IDE: variants seen among roughly 807,000 people sequenced by gnomAD.
IDE encodes the protein insulin-degrading enzyme.
IDE carries 58 observed loss-of-function variants against 133.2 expected under a neutral mutation model. That is an observed-to-expected ratio of 0.44 (90% CI 0.35 to 0.54). The LOEUF is 0.54. IDE is among the 20% of genes least tolerant of loss of function. The pLI, the probability that IDE is intolerant of heterozygous loss-of-function variation, is 0.00. For synonymous variants in IDE, 396 were observed against 421.3 expected, an observed-to-expected ratio of 0.94 and a Z score of 0.73; for missense variants, 981 against 1,234.0, an observed-to-expected ratio of 0.79 and a Z score of 3.07.
chr10:92,469,535 C>T (rs1321328969), intron 18 of IDE, among the ~76,000 whole-genome samples: 1 of 151,940 alleles, frequency 6.6e-6, no homozygotes, highest in Non-Finnish European at 1.5e-5. Context: ...CTCAAGAGAT[C>T]CTCTTGCCTC....
chr10:92,566,664 A>G (rs114338728), intron 1 of IDE, among the ~76,000 whole-genome samples: 7,422 of 145,746 alleles, frequency 0.051, 614 homozygotes, highest in African/African-American at 0.17. Flanking sequence ...GGTACCAAAG[A>G]AAAAAAAAAA....
intron 1 of IDE, among the ~76,000 whole-genome samples, chr10:92,561,160 G>A (rs1028673785): frequency 3.3e-5 from 5 of 152,010 alleles, no homozygotes; most frequent in Non-Finnish European, 5.9e-5. Context: ...GGAGGCTGAG[G>A]CAGGAGAATC....
chr10:92,487,398 G>T, intron 12 of IDE, 80 bp from the exon 13 acceptor site: 1 of 1,183,684 alleles, frequency 8.4e-7, no homozygotes, highest in Non-Finnish European at 1.2e-6. Context: ...CAATATATGG[G>T]CAAATATTAA....
At chr10:92,462,144 C>A (rs2135330844) in intron 21 of IDE, among the ~76,000 whole-genome samples, 1 of 151,966 alleles carries the variant, frequency 6.6e-6, no homozygotes, top group South Asian at 2.1e-4. Context: ...GGTGAAACCC[C>A]ATCTCTACTA....
At chr10:92,524,037 A>G (rs1849374499) in intron 4 of IDE, among the ~76,000 whole-genome samples, 1 of 151,944 alleles carries the variant, frequency 6.6e-6, no homozygotes, top group South Asian at 2.1e-4. Flanking sequence ...ATAGGGCAGA[A>G]AAATGGTTTC....
At chr10:92,533,241 T>G (rs987215243) in intron 3 of IDE, among the ~76,000 whole-genome samples, 3 of 152,222 alleles carry the variant, frequency 2.0e-5, no homozygotes, top group African/African-American at 7.2e-5. Context: ...GAACATCTGC[T>G]GCAGCATTTG....
rs1269238429 is a variant in IDE, at chr10:92,452,018, T to C, written c.*2426A>G. On this transcript the variant is annotated 3_prime_UTR_variant, in exon 25 of 25. Transcript: ENST00000265986. ...ACATCAAATACTGAGATTCTTGTTT[T>C]ACAAAAGTGATCTATTCTTAAGGTT... 1 of 152,242 alleles carries C rather than the reference T, an allele frequency of 6.6e-6. No homozygotes were observed. Among genetic ancestry groups the C allele is most frequent in the African/African-American group, 2.4e-5 (1 of 41,462 alleles). 9.4% of individuals were successfully genotyped at this position (152,242 alleles called of 1,614,324 possible). A position where few individuals can be genotyped will look rare whatever the true frequency, so the allele number is the denominator to read the frequency against.
intron 17 of IDE, 103 bp from the exon 18 acceptor site, chr10:92,470,448 T>C (rs1845906997): frequency 1.8e-6 from 1 of 564,212 alleles, no homozygotes; most frequent in Non-Finnish European, 3.1e-6. Context: ...TACACAGAGC[T>C]CCTGTAAACA....
chr10:92,457,589 C>G (rs1175894933), intron 22 of IDE, among the ~76,000 whole-genome samples: 1 of 152,112 alleles, frequency 6.6e-6, no homozygotes, highest in Non-Finnish European at 1.5e-5. Flanking sequence ...TTTCCCTTAA[C>G]AGCAGACTTC....
intron 4 of IDE, among the ~76,000 whole-genome samples, chr10:92,520,131 G>C (rs1023963273): frequency 2.0e-4 from 30 of 152,188 alleles, no homozygotes; most frequent in African/African-American, 7.2e-4. Flanking sequence ...TCCATGTTAA[G>C]GCTCAGCATA....
intron 1 of IDE, among the ~76,000 whole-genome samples, chr10:92,553,005 A>C (rs567706142): frequency 6.6e-6 from 1 of 152,182 alleles, no homozygotes; most frequent in Non-Finnish European, 1.5e-5. Context: ...CAGGAGCCAA[A>C]ATGAAGAAAC....
intron 22 of IDE, 82 bp from the exon 23 acceptor site, chr10:92,456,513 T>TCAG: frequency 1.1e-6 from 1 of 943,214 alleles, no homozygotes; most frequent in Non-Finnish European, 1.8e-6. Flanking sequence ...CTATGAAGAA[T>TCAG]CAGCTATCAC....
chr10:92,553,116 T>C (rs1187803241), intron 1 of IDE, among the ~76,000 whole-genome samples: 2 of 151,684 alleles, frequency 1.3e-5, no homozygotes, highest in Non-Finnish European at 2.9e-5. Context: ...CATAGCAATA[T>C]AAATAAATAA....
chr10:92,516,246 C>A (rs1028596739), intron 4 of IDE, among the ~76,000 whole-genome samples: 1 of 151,910 alleles, frequency 6.6e-6, no homozygotes, highest in Non-Finnish European at 1.5e-5. Context: ...GTAATCCCAG[C>A]ACTTTGGGAG....
chr10:92,490,434 G>A, intron 12 of IDE, 59 bp downstream of exon 12: 1 of 1,045,570 alleles, frequency 9.6e-7, no homozygotes, highest in Non-Finnish European at 1.5e-6. Flanking sequence ...TGGATCTAGG[G>A]AGCAATGTTC....
intron 20 of IDE, among the ~76,000 whole-genome samples, chr10:92,465,355 T>C (rs1301685320): frequency 6.6e-6 from 1 of 152,202 alleles, no homozygotes; most frequent in African/African-American, 2.4e-5. Context: ...CTTTAGTGAA[T>C]CTAAGCTCCT....
chr10:92,477,922 A>C (rs1268099544), intron 15 of IDE, among the ~76,000 whole-genome samples: 1 of 152,232 alleles, frequency 6.6e-6, no homozygotes, highest in Non-Finnish European at 1.5e-5. Flanking sequence ...TGAAGAAAAA[A>C]AAGTCACTGG....
chr10:92,534,930 T>C (rs903672984), intron 2 of IDE, 145 bp from the exon 3 acceptor site: 12 of 634,370 alleles, frequency 1.9e-5, no homozygotes, highest in Non-Finnish European at 2.4e-5. Context: ...ATGATATTAT[T>C]TAGAAAGTAA....
chr10:92,494,374 T>G (rs1415680765), intron 11 of IDE, among the ~76,000 whole-genome samples: 2 of 151,448 alleles, frequency 1.3e-5, no homozygotes, highest in African/African-American at 2.4e-5. Context: ...AGCCCAGTTT[T>G]TTTTTTTTTT....
Sources: gnomAD v4.1 joint callset for allele counts (sites outside exome capture counted in the v4.1 genomes callset) on GRCh38, gnomAD v4.1.1 for gene constraint, MANE v1.5 for transcripts, NCBI Gene and HGNC (gene_info 2026-07-23, HGNC 2026-07-21) for gene names.